The following TEAD1 variants were observed in gnomAD, a reference collection of about 807,000 sequenced individuals.
TEAD1 encodes the protein transcriptional enhancer factor TEF-1.
Under a neutral mutation model 54.9 loss-of-function variants are expected in TEAD1, and 9 were observed. That is an observed-to-expected ratio of 0.16 (90% confidence interval 0.10 to 0.29). The LOEUF (loss-of-function observed/expected upper bound fraction) is 0.29. Ranked by LOEUF, TEAD1 falls within the 10% of genes least tolerant of loss-of-function variation. The pLI, the probability that TEAD1 is intolerant of heterozygous loss-of-function variation, is 1.00. For missense variants in TEAD1, 387 were observed against 535.9 expected, an observed-to-expected ratio of 0.72 and a Z score of 2.74; for synonymous variants, 200 against 187.8, an observed-to-expected ratio of 1.07 and a Z score of -0.53.
intron 2 of TEAD1, among the ~76,000 whole-genome samples, chr11:12,725,621 A>C (rs1944296303): frequency 6.6e-6 from 1 of 152,216 alleles, no homozygotes; most frequent in Non-Finnish European, 1.5e-5. Context: ...TTAAAAAAAA[A>C]ATTAAAAAAT....
At chr11:12,879,417 C>G (rs1456071611) in intron 5 of TEAD1, 14 of 594,130 alleles carry the variant, frequency 2.4e-5, no homozygotes, top group Non-Finnish European at 4.2e-5. Context: ...AGCTGACAAG[C>G]TAAATAAATA....
chr11:12,783,133 T>TGTGCGC (rs1198828193), intron 3 of TEAD1, among the ~76,000 whole-genome samples: 3 of 145,570 alleles, frequency 2.1e-5, no homozygotes, highest in Non-Finnish European at 3.0e-5. Context: ...TGTGTGTGTG[T>TGTGCGC]GCGCGCACTT....
At chr11:12,750,517 T>C (rs1416696601) in intron 2 of TEAD1, among the ~76,000 whole-genome samples, 1 of 152,150 alleles carries the variant, frequency 6.6e-6, no homozygotes, top group African/African-American at 2.4e-5. Context: ...ATATATAACA[T>C]TCTCTGTTCT....
intron 3 of TEAD1, among the ~76,000 whole-genome samples, chr11:12,769,913 C>A (rs190189190): frequency 6.6e-6 from 1 of 152,124 alleles, no homozygotes; most frequent in Non-Finnish European, 1.5e-5. Flanking sequence ...ATGGTTCAAA[C>A]AGAGAACGTA....
chr11:12,812,314 G>A lies in TEAD1; in HGVS notation c.202+47880G>A, dbSNP rs546837826. On this transcript the variant is annotated intron_variant, in intron 3 of 12. Transcript: ENST00000527636. ...CTGAAAGGATTTCAGGAGTTAATTG[G>A]AAGAGTACATCATAGCATGCATGAT... Among the ~76,000 whole-genome samples, 16 of 152,232 alleles carry A rather than the reference G, an allele frequency of 1.1e-4. 1 individual carries two copies. In the South Asian group the frequency reaches 3.1e-3, roughly 30 times the overall value.
intron 3 of TEAD1, among the ~76,000 whole-genome samples, chr11:12,833,290 TG>T (rs1354881569): frequency 6.6e-6 from 1 of 152,150 alleles, no homozygotes; most frequent in Non-Finnish European, 1.5e-5. Flanking sequence ...AAAGAAGATT[TG>T]GGGGGAATTC....
chr11:12,838,268 A>T (rs1299233199), intron 3 of TEAD1, among the ~76,000 whole-genome samples: 1 of 152,178 alleles, frequency 6.6e-6, no homozygotes, highest in Admixed American at 6.5e-5. Context: ...TTTTAGGGGC[A>T]TTTGGAGCAC....
chr11:12,791,734 G>A (rs561354559), intron 3 of TEAD1, among the ~76,000 whole-genome samples: 2 of 152,258 alleles, frequency 1.3e-5, no homozygotes, highest in Admixed American at 6.5e-5. Flanking sequence ...TGAGTTATAA[G>A]CTGTTCCTAT....
chr11:12,736,505 C>T (rs993220184), intron 2 of TEAD1, among the ~76,000 whole-genome samples: 1 of 152,120 alleles, frequency 6.6e-6, no homozygotes, highest in Non-Finnish European at 1.5e-5. Flanking sequence ...CACCTGTCCT[C>T]CTTTGAAGAT....
rs1948122740 is a variant in TEAD1 at position 12,887,903 on chromosome 11, C to T, written c.699+4778C>T. ...AAGTTAAACTTTGCATTTGAATTCTCTAGATGTTTGTTACAGACAGACATG... is the reference window on the plus strand; with the variant it reads ...AAGTTAAACTTTGCATTTGAATTCTTTAGATGTTTGTTACAGACAGACATG... On this transcript the variant is annotated intron_variant, in intron 9 of 12. Transcript: ENST00000527636. Among the ~76,000 whole-genome samples the T allele has an allele frequency of 2.0e-5, 3 of 152,282 alleles. No individual in the cohort carries two copies. In the South Asian group the frequency reaches 6.2e-4, roughly 32 times the overall value.
chr11:12,787,718 A>G (rs1945707808), intron 3 of TEAD1, among the ~76,000 whole-genome samples: 1 of 152,224 alleles, frequency 6.6e-6, no homozygotes, highest in Non-Finnish European at 1.5e-5. Context: ...TCACATTTAT[A>G]GTTTAAGATT....
chr11:12,884,182 C>T (rs987571703), intron 9 of TEAD1, among the ~76,000 whole-genome samples: 1 of 152,100 alleles, frequency 6.6e-6, no homozygotes, highest in African/African-American at 2.4e-5. Context: ...AGGCATTTCC[C>T]ATACATATGT....
intron 9 of TEAD1, among the ~76,000 whole-genome samples, chr11:12,894,292 G>A (rs1028994915): frequency 6.6e-6 from 1 of 152,160 alleles, no homozygotes; most frequent in African/African-American, 2.4e-5. Context: ...GACCCGGTGT[G>A]TCTGAGGGCA....
intron 3 of TEAD1, among the ~76,000 whole-genome samples, chr11:12,778,714 G>C (rs148740989): frequency 6.6e-6 from 1 of 152,084 alleles, no homozygotes; most frequent in East Asian, 1.9e-4. Flanking sequence ...ATTCCATCTT[G>C]TGCCTCTCAA....
chr11:12,769,531 A>T (rs1406026283), intron 3 of TEAD1, among the ~76,000 whole-genome samples: 1 of 152,060 alleles, frequency 6.6e-6, no homozygotes, highest in East Asian at 1.9e-4. Context: ...TCATCCTTTT[A>T]TAAGATAGTA....
intron 3 of TEAD1, among the ~76,000 whole-genome samples, chr11:12,773,012 A>G (rs1276537365): frequency 6.6e-6 from 1 of 152,226 alleles, no homozygotes; most frequent in Non-Finnish European, 1.5e-5. Context: ...AACATGTTAT[A>G]TAAATGGAAT....
chr11:12,930,398 C>G, intron 12 of TEAD1, 72 bp downstream of exon 12: 1 of 1,580,594 alleles, frequency 6.3e-7, no homozygotes, highest in Admixed American at 1.7e-5. Flanking sequence ...GAAGGTGGGC[C>G]TGGGAGGCGC....
rs752441872 is a variant in TEAD1, at chr11:12,902,083, T to C, written c.843T>C (p.Pro281=). The C allele has an allele frequency of 1.4e-5, 23 of 1,614,138 alleles. No homozygotes were observed. In the East Asian group the frequency reaches 4.9e-4, roughly 34 times the overall value. ...TAAAGGAACTGTTTGGAAAGGGCCC[T>C]CAAAATGCCTTCTTCCTCGTAAAAT... The change falls in exon 10 of 13, where the codon CCT becomes CCC. Residue 281 remains proline, a synonymous_variant. Transcript: ENST00000527636.
At chr11:12,817,972 A>G (rs1340270464) in intron 3 of TEAD1, among the ~76,000 whole-genome samples, 1 of 152,260 alleles carries the variant, frequency 6.6e-6, no homozygotes, top group African/African-American at 2.4e-5. Context: ...GCGTTTGTTT[A>G]TAATGACATG....
Sources: allele counts gnomAD v4.1 joint callset (sites outside exome capture counted in the v4.1 genomes callset), GRCh38; gene constraint gnomAD v4.1.1; transcripts MANE v1.5; gene names NCBI Gene and HGNC (gene_info 2026-07-23, HGNC 2026-07-21).